DNAH11: variants seen among roughly 807,000 people sequenced by gnomAD.
DNAH11 encodes the protein axonemal beta dynein heavy chain 11.
Under a neutral mutation model 526.0 loss-of-function variants are expected in DNAH11, and 442 were observed. That is an observed-to-expected ratio of 0.84 (90% CI 0.78 to 0.91). The LOEUF (loss-of-function observed/expected upper bound fraction) is 0.91, where lower values mean the gene tolerates loss of function less well. DNAH11 is among the 40% of genes least tolerant of loss of function. The pLI, the probability that DNAH11 is intolerant of heterozygous loss-of-function variation, is 0.00. For synonymous variants in DNAH11, 2,461 were observed against 1,935.9 expected (o/e 1.27, Z -7.12); for missense variants, 6,989 against 5,448.7 (o/e 1.28, Z -8.90).
intron 61 of DNAH11, among the ~76,000 whole-genome samples, chr7:21,796,093 G>C (rs1361147467): frequency 2.0e-5 from 3 of 152,204 alleles, no homozygotes; most frequent in Non-Finnish European, 4.4e-5. Context: ...TGTTGGTTAA[G>C]AGGTAAGTGT....
chr7:21,899,246 C>T, intron 79 of DNAH11, 90 bp from the exon 80 acceptor site: 2 of 990,296 alleles, frequency 2.0e-6, no homozygotes, highest in Non-Finnish European at 3.3e-6. Flanking sequence ...CCTCCACCAC[C>T]ACCCTGCCCT....
intron 6 of DNAH11, among the ~76,000 whole-genome samples, chr7:21,568,130 C>G (rs138898408): frequency 1.4e-3 from 210 of 152,280 alleles, no homozygotes; most frequent in African/African-American, 4.9e-3. Context: ...GGAGACGAGC[C>G]TCAAACTAAC....
intron 60 of DNAH11, among the ~76,000 whole-genome samples, chr7:21,787,831 A>T (rs977411351): frequency 6.6e-6 from 1 of 152,218 alleles, no homozygotes; most frequent in Non-Finnish European, 1.5e-5. Flanking sequence ...GTAAGTAATT[A>T]GATGAAAACT....
chr7:21,721,126 A>G (rs1355035453), intron 44 of DNAH11, among the ~76,000 whole-genome samples: 1 of 152,148 alleles, frequency 6.6e-6, no homozygotes, highest in South Asian at 2.1e-4. Context: ...CCTCGCCTTC[A>G]GCATGCTGTT....
intron 30 of DNAH11, among the ~76,000 whole-genome samples, chr7:21,677,147 G>A (rs1270128639): frequency 6.7e-6 from 1 of 150,286 alleles, no homozygotes; most frequent in East Asian, 2.0e-4. Context: ...TGTATTAAAA[G>A]TACAGGTGTA....
chr7:21,794,036 C>G (rs942205167), intron 61 of DNAH11, among the ~76,000 whole-genome samples: 4 of 152,202 alleles, frequency 2.6e-5, no homozygotes, highest in Non-Finnish European at 1.5e-5. Flanking sequence ...TTTACTCATT[C>G]TGCTCTTTAA....
At chr7:21,586,252 C>G (rs1023936198) in intron 9 of DNAH11, among the ~76,000 whole-genome samples, 1 of 152,086 alleles carries the variant, frequency 6.6e-6, no homozygotes, top group Non-Finnish European at 1.5e-5. Flanking sequence ...TAAGTTTTTA[C>G]AAAATAATGT....
intron 54 of DNAH11, among the ~76,000 whole-genome samples, chr7:21,753,094 C>G (rs545650520): frequency 6.6e-6 from 1 of 152,318 alleles, no homozygotes; most frequent in East Asian, 1.9e-4. Flanking sequence ...CAAGTCCAGA[C>G]TGGCTCAGTA....
intron 9 of DNAH11, among the ~76,000 whole-genome samples, chr7:21,583,373 C>G (rs988481249): frequency 1.3e-5 from 2 of 152,196 alleles, no homozygotes; most frequent in African/African-American, 4.8e-5. Flanking sequence ...GTTGGGAAAA[C>G]TGGCTTGCCA....
chr7:21,773,699 G>T, intron 55 of DNAH11, 67 bp from the exon 56 acceptor site: 16 of 791,562 alleles, frequency 2.0e-5, no homozygotes, highest in South Asian at 1.5e-4. Context: ...TCATTTACTT[G>T]ATTTTTTTTA....
intron 62 of DNAH11, among the ~76,000 whole-genome samples, chr7:21,807,428 G>A (rs1789313260): frequency 6.6e-6 from 1 of 152,186 alleles, no homozygotes; most frequent in South Asian, 2.1e-4. Context: ...AAGCCCAGGA[G>A]GTAAAAGTTG....
intron 65 of DNAH11, among the ~76,000 whole-genome samples, chr7:21,822,370 T>TA (rs1269863529): frequency 6.6e-6 from 1 of 152,042 alleles, no homozygotes; most frequent in African/African-American, 2.4e-5. Flanking sequence ...TATTTCAAGG[T>TA]AACTCATTCC....
intron 51 of DNAH11, among the ~76,000 whole-genome samples, chr7:21,746,366 G>A (rs1427343351): frequency 6.6e-6 from 1 of 152,180 alleles, no homozygotes; most frequent in Non-Finnish European, 1.5e-5. Flanking sequence ...CACTTTGGGA[G>A]GCTGAGGCAG....
intron 42 of DNAH11, among the ~76,000 whole-genome samples, chr7:21,713,157 C>T (rs1784524072): frequency 6.6e-6 from 1 of 152,168 alleles, no homozygotes; most frequent in Non-Finnish European, 1.5e-5. Flanking sequence ...AGCGTTTGCA[C>T]TTCGAACTGT....
intron 59 of DNAH11, 36 bp downstream of exon 59, chr7:21,786,803 A>C: frequency 6.2e-7 from 1 of 1,611,672 alleles, no homozygotes; most frequent in Non-Finnish European, 8.5e-7. Context: ...AAATCCTGAT[A>C]ATTTCCATAC....
chr7:21,792,479 T>C (rs906540926), intron 61 of DNAH11, among the ~76,000 whole-genome samples: 1 of 152,240 alleles, frequency 6.6e-6, no homozygotes, highest in African/African-American at 2.4e-5. Flanking sequence ...AGAATTGGTA[T>C]TATTCAACTG....
intron 65 of DNAH11, among the ~76,000 whole-genome samples, chr7:21,823,986 A>G (rs1790165566): frequency 6.6e-6 from 1 of 152,192 alleles, no homozygotes; most frequent in Non-Finnish European, 1.5e-5. Flanking sequence ...CAGGATATGC[A>G]GTCTGCTAAG....
chr7:21,662,343 C>A (rs1029394794), intron 30 of DNAH11, among the ~76,000 whole-genome samples: 4 of 152,068 alleles, frequency 2.6e-5, no homozygotes, highest in African/African-American at 9.7e-5. Flanking sequence ...CAATTAATAT[C>A]TTGTTTTATT....
chr7:21,789,690 A>G (rs1246753444), intron 61 of DNAH11, among the ~76,000 whole-genome samples: 1 of 152,130 alleles, frequency 6.6e-6, no homozygotes, highest in East Asian at 1.9e-4. Context: ...ATCCCGTACA[A>G]GGTAGTTAAC....
Sources: allele counts gnomAD v4.1 joint callset (sites outside exome capture counted in the v4.1 genomes callset), GRCh38; gene constraint gnomAD v4.1.1; transcripts MANE v1.5; gene names NCBI Gene and HGNC (gene_info 2026-07-23, HGNC 2026-07-21).